Variants in CCDC27 observed in about 807,000 individuals in gnomAD.
CCDC27 encodes coiled-coil domain-containing protein 27.
A neutral mutation model predicts 80.3 loss-of-function variants in CCDC27; 80 were observed. That is an observed-to-expected ratio of 1.00 (90% CI 0.83 to 1.20). The LOEUF is 1.20. Among genes scored for constraint, CCDC27 ranks in the 50% most tolerant of loss-of-function variants. CCDC27 has a pLI of 0.00. For synonymous variants in CCDC27, 342 were observed against 334.3 expected (o/e 1.02, Z -0.25); for missense variants, 815 against 809.4 (o/e 1.01, Z -0.08).
chr1:3,765,131 G>A (rs1015443853), intron 8 of CCDC27, among the ~76,000 whole-genome samples: 7 of 151,980 alleles, frequency 4.6e-5, no homozygotes, highest in South Asian at 2.1e-4. Context: ...CATCTGGGTT[G>A]GATATAGCAT....
intron 1 of CCDC27, 40 bp downstream of exon 1, chr1:3,752,839 G>T: frequency 6.3e-7 from 1 of 1,582,458 alleles, no homozygotes; most frequent in Non-Finnish European, 8.6e-7. Flanking sequence ...GAGCCTTGAG[G>T]TGACCTGTTT....
At chr1:3,755,748 C>G in intron 3 of CCDC27, 181 bp downstream of exon 3, 1 of 602,166 alleles carries the variant, frequency 1.7e-6, no homozygotes, top group South Asian at 1.9e-5. Flanking sequence ...CCTTCCCTGA[C>G]AGCATAGGCT....
intron 5 of CCDC27, among the ~76,000 whole-genome samples, chr1:3,762,320 G>C (rs1043966824): frequency 6.6e-6 from 1 of 152,164 alleles, no homozygotes; most frequent in Non-Finnish European, 1.5e-5. Context: ...GGCCACCCAG[G>C]CAATGACATG....
rs777153852 is a variant in CCDC27, at chr1:3,761,453, C to G, written c.861+23C>G. 3 of 1,610,858 alleles carry G rather than the reference C, an allele frequency of 1.9e-6. No homozygotes were observed. Among genetic ancestry groups the G allele is most frequent in the Non-Finnish European group, 2.5e-6 (3 of 1,178,984 alleles). ...AGGGTGAGCCAGCCCCAGCGGGGCA[C>G]AGCGCAGAGCTCTAAGACGGTTGTT... On this transcript the variant is annotated intron_variant, in intron 5 of 11. Coordinates refer to ENST00000294600, the MANE Select transcript of CCDC27 (RefSeq NM_152492.3). The surrounding 1 kb of genome is among the most constrained non-coding windows in gnomAD (Gnocchi z 5.0).
rs549265293 is a variant in CCDC27 at position 3,770,503 on chromosome 1, T to A, written c.1848+616T>A. ...CTGTGATGGACAGCGCATGCTCACCTGCAAGGTGTCGTAAGACTCAGAGCT... is the reference window on the plus strand; with the variant it reads ...CTGTGATGGACAGCGCATGCTCACCAGCAAGGTGTCGTAAGACTCAGAGCT... On this transcript the variant is annotated intron_variant, in intron 11 of 11. Transcript: ENST00000294600. 2.0e-5 allele frequency among the ~76,000 whole-genome samples: 3 copies of A among 152,374 alleles called. No individual in the cohort carries two copies. In the South Asian group the frequency reaches 6.2e-4, roughly 32 times the overall value.
chr1:3,769,124 T>C lies in CCDC27; in HGVS notation c.1744-659T>C, dbSNP rs571840859. On this transcript the variant is annotated intron_variant, in intron 10 of 11. Coordinates refer to ENST00000294600, the MANE Select transcript of CCDC27 (RefSeq NM_152492.3). This position sits in a 1 kb window ranked among gnomAD's most constrained non-coding sequence, Gnocchi z 4.6. ...CCGCATAACTCAAGGGGTTCCTGTCTGAGGCTCCTGGGGTGCAGATTGGAG... is the reference window on the plus strand; with the variant it reads ...CCGCATAACTCAAGGGGTTCCTGTCCGAGGCTCCTGGGGTGCAGATTGGAG... Among the ~76,000 whole-genome samples, 7 of 152,286 alleles carry C rather than the reference T, an allele frequency of 4.6e-5. No homozygotes were observed. Among genetic ancestry groups the C allele is most frequent in the African/African-American group, 1.7e-4 (7 of 41,562 alleles).
At chr1:3,755,673 C>A in intron 3 of CCDC27, 106 bp downstream of exon 3, 1 of 944,738 alleles carries the variant, frequency 1.1e-6, no homozygotes, top group Non-Finnish European at 1.7e-6. Context: ...CCTCCCGGGA[C>A]TGTCTGCCTC....
intron 1 of CCDC27, among the ~76,000 whole-genome samples, chr1:3,753,320 C>CTTTTTTTTTTTTT (rs71580220): frequency 3.2e-5 from 3 of 94,964 alleles, no homozygotes; most frequent in Non-Finnish European, 6.1e-5. Context: ...TTTTCTTTTT[C>CTTTTTTTTTTTTT]TTTTTTTTTT....
At chr1:3,756,970 C>G (rs1444185171) in intron 4 of CCDC27, 80 bp downstream of exon 4, 1 of 1,490,040 alleles carries the variant, frequency 6.7e-7, no homozygotes, top group Non-Finnish European at 9.1e-7. Context: ...TGCTCCCTGA[C>G]AGGCTCTGGT....
intron 4 of CCDC27, 106 bp downstream of exon 4, chr1:3,756,996 G>T: frequency 7.4e-7 from 1 of 1,344,120 alleles, no homozygotes. Context: ...TATCTGGTTA[G>T]CTGCATCAAG....
chr1:3,754,219 G>A lies in CCDC27; in HGVS notation c.420G>A (p.Arg140=), dbSNP rs1431798892. 8 of 1,611,012 alleles carry A rather than the reference G, an allele frequency of 5.0e-6. No homozygotes were observed. In the South Asian group the frequency reaches 8.8e-5, roughly 18 times the overall value. Reference sequence around the variant, plus strand: ...CTGACTGCCCCCAGTTCAGCACCAGGGCCACATCCATGTCCCACTGTGGTA... The same window carrying A: ...CTGACTGCCCCCAGTTCAGCACCAGAGCCACATCCATGTCCCACTGTGGTA... ...THPDCPQFST[R]ATSMSHCGSP... Residue 140 remains arginine (R), a synonymous_variant, in exon 2 of 12, where the codon AGG becomes AGA. Coordinates refer to ENST00000294600, the MANE Select transcript of CCDC27 (RefSeq NM_152492.3).
chr1:3,766,578 G>T lies in CCDC27; in HGVS notation c.1496G>T (p.Gly499Val). 6.2e-7 allele frequency: 1 copy of T among 1,613,604 alleles called. No individual in the cohort carries two copies. Among genetic ancestry groups the T allele is most frequent in the Non-Finnish European group, 8.5e-7 (1 of 1,179,918 alleles). Residue 499 changes from glycine (G) to valine (V), a missense_variant, in exon 9 of 12, where the codon GGG (glycine) becomes GTG (valine). Physicochemically the swap from Gly to Val is moderately radical, Grantham distance 109. Coordinates refer to ENST00000294600, the MANE Select transcript of CCDC27 (RefSeq NM_152492.3). This position sits in a 1 kb window ranked among gnomAD's most constrained non-coding sequence, Gnocchi z 6.1. ...GATAAGAAACACCAAGAGATGATGGGGCTCATTGAAAAGGACAACCAGCTC... is the reference window on the plus strand; with the variant it reads ...GATAAGAAACACCAAGAGATGATGGTGCTCATTGAAAAGGACAACCAGCTC... ...REDKKHQEMMGLIEKDNQLLR... is the reference protein window; with the variant it reads ...REDKKHQEMMVLIEKDNQLLR...
At chr1:3,756,311 G>A (rs899727238) in intron 3 of CCDC27, 1 of 156,350 alleles carries the variant, frequency 6.4e-6, no homozygotes, top group East Asian at 1.9e-4. Flanking sequence ...CTGCACTCCA[G>A]CTTGGGAGAT....
chr1:3,767,490 G>T (rs373800722), intron 10 of CCDC27, 45 bp downstream of exon 10: 1 of 1,538,008 alleles, frequency 6.5e-7, no homozygotes, highest in Middle Eastern at 2.3e-4. Context: ...AGCAGCTGGC[G>T]GCCGAGCACC....
chr1:3,761,337 G>C lies in CCDC27; in HGVS notation c.768G>C (p.Leu256=), dbSNP rs749421623. 7 of 1,614,042 alleles carry C rather than the reference G, an allele frequency of 4.3e-6. No homozygotes were observed. In the South Asian group the frequency reaches 5.5e-5, roughly 13 times the overall value. Reference sequence around the variant, plus strand: ...TTCAGAAGAAAGACGAGGAGATCCTGCTGCTCCAGGAGGAGAGGGAGGCCC... The same window carrying C: ...TTCAGAAGAAAGACGAGGAGATCCTCCTGCTCCAGGAGGAGAGGGAGGCCC... ...IQVQKKDEEI[L]LLQEEREALK... Residue 256 remains leucine (L), a synonymous_variant, in exon 5 of 12, where the codon CTG becomes CTC. Transcript: ENST00000294600. This position sits in a 1 kb window ranked among gnomAD's most constrained non-coding sequence, Gnocchi z 5.0.
intron 3 of CCDC27, chr1:3,755,850 G>A: frequency 4.9e-6 from 2 of 404,544 alleles, no homozygotes; most frequent in African/African-American, 2.0e-5. Flanking sequence ...GCTGATGGGT[G>A]CATCCCTCAC....
rs180996353 is a variant in CCDC27 at position 3,767,572 on chromosome 1, G to A, written c.1743+127G>A. 3.0e-4 allele frequency: 215 copies of A among 719,944 alleles called. 1 individual carries two copies. In the African/African-American group the frequency reaches 3.0e-3, roughly 10 times the overall value. The allele number at this position is 719,944 out of a possible 1,614,324, so 44.6% of individuals were successfully genotyped here. ...CGCTGGGGCTCGGGCTGGTTCTGCC[G>A]TGTACACCAGCATCCACACAGAGTT... On this transcript the variant is annotated intron_variant, in intron 10 of 11. Coordinates refer to ENST00000294600, the MANE Select transcript of CCDC27 (RefSeq NM_152492.3).
intron 6 of CCDC27, 185 bp downstream of exon 6, chr1:3,762,897 A>T (rs4648558): frequency 0.23 from 180,199 of 774,686 alleles, 22,935 homozygotes; most frequent in Middle Eastern, 0.32. Context: ...GGTCAGGTGC[A>T]GTCTACTGAC....
chr1:3,765,750 T>C (rs2124596517), intron 8 of CCDC27, among the ~76,000 whole-genome samples: 1 of 152,382 alleles, frequency 6.6e-6, no homozygotes, highest in South Asian at 2.1e-4. Flanking sequence ...CTGAGAGCTT[T>C]GCTCCAATGT....
Sources: gnomAD v4.1 joint callset for allele counts (sites outside exome capture counted in the v4.1 genomes callset) on GRCh38, gnomAD v4.1.1 for gene constraint, Gnocchi (gnomAD v3.1) non-coding constraint, MANE v1.5 for transcripts, NCBI Gene and HGNC (gene_info 2026-07-23, HGNC 2026-07-21) for gene names.